Variants in SPAG9 observed in about 807,000 individuals in gnomAD.
SPAG9 encodes the protein sperm associated antigen 9, also known as C-Jun-amino-terminal kinase-interacting protein 4.
In SPAG9, 35 loss-of-function variants were observed where a neutral mutation model predicts 166.5. That is an observed-to-expected ratio of 0.21 (90% CI 0.16 to 0.28). The LOEUF (loss-of-function observed/expected upper bound fraction) is 0.28, where lower values mean the gene tolerates loss of function less well. SPAG9 is among the 10% of genes least tolerant of loss of function. The probability of loss-of-function intolerance (pLI) is 1.00; values close to 1 mark genes in which losing one functional copy is unlikely to be tolerated. For missense variants in SPAG9, 1,235 were observed against 1,603.3 expected, an observed-to-expected ratio of 0.77 and a Z score of 3.92; for synonymous variants, 534 against 565.5, an observed-to-expected ratio of 0.94 and a Z score of 0.79.
intron 4 of SPAG9, 117 bp from the exon 5 acceptor site, chr17:51,041,768 ACT>A: frequency 1.1e-6 from 1 of 912,290 alleles, no homozygotes; most frequent in Non-Finnish European, 1.7e-6. Flanking sequence ...CAAAAATGAC[ACT>A]GTCTGCCCAT....
Position 51,100,161 on chromosome 17 carries a change from A to T in SPAG9, c.303+20193T>A, listed in dbSNP as rs113881422. Among the ~76,000 whole-genome samples the T allele has an allele frequency of 2.6e-3, 397 of 152,302 alleles. 1 individual carries two copies. The highest frequency in any genetic ancestry group is 9.1e-3 in the African/African-American group (378 of 41,576). ...TTTGCACTTAAATGTTTCTTCAGTA[A>T]GCCAAGATAACAAACTTTAATGCTT... On this transcript the variant is annotated intron_variant, in intron 1 of 29. Transcript: ENST00000262013.
intron 2 of SPAG9, among the ~76,000 whole-genome samples, chr17:51,077,041 T>C: frequency 1.0e-5 from 1 of 98,562 alleles, no homozygotes; most frequent in South Asian, 2.8e-4. Flanking sequence ...TATCTAGCTA[T>C]CTAGCTATCT....
chr17:51,095,765 CAT>C (rs1162392633), intron 1 of SPAG9, among the ~76,000 whole-genome samples: 1 of 138,634 alleles, frequency 7.2e-6, no homozygotes, highest in Non-Finnish European at 1.6e-5. Flanking sequence ...TAGTGATATA[CAT>C]ATAGTGATAT....
At chr17:51,046,645 T>G (rs1274333867) in intron 4 of SPAG9, 6 of 1,536,020 alleles carry the variant, frequency 3.9e-6, no homozygotes, top group Non-Finnish European at 5.2e-6. Flanking sequence ...AACAGCAGCA[T>G]GCATCCAGGA....
At position 51,006,188 on chromosome 17, in the gene SPAG9, G is replaced by C; in HGVS notation, c.1321C>G (p.Leu441Val). The change falls in exon 11 of 30, where the codon CTG becomes GTG. Residue 441 changes from leucine (L) to valine (V), a missense_variant. Physicochemically the swap from Leu to Val is conservative, Grantham distance 32 (BLOSUM62 1). Transcript: ENST00000262013. ...TGCAGCACATCTTTCTCACAGGTCAGTTCATCCACTTTTGCTATCAAATCA... is the reference window on the plus strand; with the variant it reads ...TGCAGCACATCTTTCTCACAGGTCACTTCATCCACTTTTGCTATCAAATCA... ...KNDLIAKVDE[L>V]TCEKDVLQGE... 6.2e-7 allele frequency: 1 copy of C among 1,614,150 alleles called. No individual in the cohort carries two copies. Among genetic ancestry groups the C allele is most frequent in the Non-Finnish European group, 8.5e-7 (1 of 1,179,990 alleles).
At chr17:51,045,167 A>G (rs747435634) in intron 4 of SPAG9, among the ~76,000 whole-genome samples, 1 of 152,338 alleles carries the variant, frequency 6.6e-6, no homozygotes, top group Non-Finnish European at 1.5e-5. Flanking sequence ...ATTTGCACCC[A>G]GGCAGTTCAA....
chr17:51,020,579 G>A (rs1438813807), intron 7 of SPAG9, among the ~76,000 whole-genome samples: 1 of 152,134 alleles, frequency 6.6e-6, no homozygotes, highest in African/African-American at 2.4e-5. Context: ...ACTAAGATAG[G>A]GGACAGAAAA....
At chr17:51,040,273 G>A (rs554329090) in intron 5 of SPAG9, among the ~76,000 whole-genome samples, 4 of 150,998 alleles carry the variant, frequency 2.6e-5, no homozygotes, top group East Asian at 3.9e-4. Context: ...AAGTGAGAGC[G>A]AGCGAGTTGC....
intron 8 of SPAG9, among the ~76,000 whole-genome samples, chr17:51,016,647 G>A (rs1447063937): frequency 6.6e-6 from 1 of 152,260 alleles, no homozygotes; most frequent in Non-Finnish European, 1.5e-5. Flanking sequence ...AGTGGCTCAC[G>A]CCTGTAATCC....
At chr17:51,001,897 G>T in intron 12 of SPAG9, 52 bp from the exon 13 acceptor site, 1 of 1,551,708 alleles carries the variant, frequency 6.4e-7, no homozygotes, top group Non-Finnish European at 8.8e-7. Flanking sequence ...AAATGTCTTG[G>T]TGTTCATCTC....
At chr17:51,071,698 C>T (rs1174626674) in intron 2 of SPAG9, among the ~76,000 whole-genome samples, 1 of 152,130 alleles carries the variant, frequency 6.6e-6, no homozygotes, top group Non-Finnish European at 1.5e-5. Flanking sequence ...TAATTCAGTT[C>T]CTATTTCTTT....
intron 5 of SPAG9, among the ~76,000 whole-genome samples, chr17:51,035,593 C>T (rs1173901961): frequency 5.9e-5 from 9 of 152,188 alleles, no homozygotes; most frequent in African/African-American, 2.2e-4. Context: ...TCTGTTTAGA[C>T]ATTTCCTGTT....
At chr17:51,105,521 G>A (rs947923495) in intron 1 of SPAG9, among the ~76,000 whole-genome samples, 7 of 152,188 alleles carry the variant, frequency 4.6e-5, no homozygotes, top group African/African-American at 1.7e-4. Flanking sequence ...ATTATTTGCT[G>A]AAAGAGCAGC....
intron 27 of SPAG9, chr17:50,976,602 T>C (rs1365764328): frequency 6.5e-6 from 1 of 153,142 alleles, no homozygotes; most frequent in Non-Finnish European, 1.5e-5. Context: ...GAACATCATA[T>C]GAGAAACACA....
chr17:51,026,998 T>A (rs189152808), intron 6 of SPAG9, among the ~76,000 whole-genome samples: 287 of 152,008 alleles, frequency 1.9e-3, no homozygotes, highest in African/African-American at 6.2e-3. Flanking sequence ...TTGAAAGAGG[T>A]CTTTCTTCTT....
At chr17:51,033,705 T>TCTTTTAGAAA (rs1467133207) in intron 5 of SPAG9, among the ~76,000 whole-genome samples, 29 of 152,182 alleles carry the variant, frequency 1.9e-4, no homozygotes, top group Non-Finnish European at 3.7e-4. Context: ...TTTTAGAAAA[T>TCTTTTAGAAA]ATTTGGACCT....
At chr17:50,999,834 G>C (rs1794593261) in intron 13 of SPAG9, 117 bp from the exon 14 acceptor site, 2 of 746,952 alleles carry the variant, frequency 2.7e-6, no homozygotes, top group Non-Finnish European at 4.5e-6. Context: ...CAACAATTAA[G>C]TTCAATAAAT....
intron 5 of SPAG9, among the ~76,000 whole-genome samples, chr17:51,034,584 A>G (rs1025370409): frequency 3.3e-5 from 5 of 152,234 alleles, no homozygotes; most frequent in Admixed American, 3.3e-4. Flanking sequence ...ACAGAATAAT[A>G]TATGTATATA....
chr17:50,990,132 A>G, intron 20 of SPAG9: 1 of 532,738 alleles, frequency 1.9e-6, no homozygotes, highest in Non-Finnish European at 3.4e-6. Context: ...GGTTCACGCC[A>G]TTCTCCTGCC....
Sources: gnomAD v4.1 joint callset for allele counts (sites outside exome capture counted in the v4.1 genomes callset) on GRCh38, gnomAD v4.1.1 for gene constraint, MANE v1.5 for transcripts, NCBI Gene and HGNC (gene_info 2026-07-23, HGNC 2026-07-21) for gene names.